ERBB3: variants seen among roughly 807,000 people sequenced by gnomAD.
ERBB3 encodes erb-b2 receptor tyrosine kinase 3, also known as receptor tyrosine-protein kinase erbB-3.
Under a neutral mutation model 156.7 loss-of-function variants are expected in ERBB3, and 96 were observed. The observed-to-expected ratio is 0.61, with a 90% CI of 0.52 to 0.73. ERBB3 has a LOEUF of 0.73. Among genes scored for constraint, ERBB3 ranks in the 30% least tolerant of loss-of-function variants. The pLI is 0.00. For missense variants in ERBB3, 1,406 were observed against 1,709.4 expected (o/e 0.82, Z 3.13); for synonymous variants, 567 against 632.0 (o/e 0.90, Z 1.54).
chr12:56,101,112 C>T lies in ERBB3; in HGVS notation c.3253C>T (p.His1085Tyr), dbSNP rs770418548. Residue 1085 changes from histidine to tyrosine, a missense_variant, in exon 27 of 28, where the codon CAC becomes TAC. Transcript: ENST00000267101. Reference protein sequence around the residue: ...SERCPRPVSLHPMPRGCLASE... With the variant: ...SERCPRPVSLYPMPRGCLASE... ...ACGGTGCCCCCGTCCAGTCTCTCTA[C>T]ACCCAATGCCACGGGGATGCCTGGC... 2 of 1,614,002 alleles carry T rather than the reference C, an allele frequency of 1.2e-6. No homozygotes were observed. Among genetic ancestry groups the T allele is most frequent in the African/African-American group, 1.3e-5 (1 of 74,912 alleles).
At chr12:56,089,459 G>A (rs1868595053) in intron 9 of ERBB3, among the ~76,000 whole-genome samples, 2 of 152,070 alleles carry the variant, frequency 1.3e-5, no homozygotes. Flanking sequence ...ATAAAAATCT[G>A]TCTCCAGGCT....
chr12:56,092,432 C>T (rs1282640289), intron 9 of ERBB3, among the ~76,000 whole-genome samples: 1 of 139,514 alleles, frequency 7.2e-6, no homozygotes. Flanking sequence ...GTCTTCCTTT[C>T]CTATTTACTC....
At chr12:56,098,947 T>C (rs778410519) in intron 23 of ERBB3, 42 bp downstream of exon 23, 2 of 1,544,578 alleles carry the variant, frequency 1.3e-6, no homozygotes, top group Admixed American at 1.9e-5. Flanking sequence ...CTTTTTTTCT[T>C]TTTTTTTCTT....
rs772484121 is a variant in ERBB3 at position 56,092,799 on chromosome 12, C to T, written c.1162C>T (p.Arg388Trp). The T allele has an allele frequency of 3.5e-5, 56 of 1,613,996 alleles. No individual in the cohort carries two copies. Among genetic ancestry groups the T allele is most frequent in the Middle Eastern group, 1.6e-4 (1 of 6,084 alleles). The change falls in exon 10 of 28, where the codon CGG becomes TGG. Residue 388 changes from arginine to tryptophan, a missense_variant. Arg to Trp is a moderately radical substitution (Grantham distance 101). This residue lies in a region of ERBB3 where 979 missense variants were observed against 1,219.6 expected (regional missense o/e 0.80). Coordinates refer to ENST00000267101, the MANE Select transcript of ERBB3 (RefSeq NM_001982.4). ...ALDPEKLNVF[R>W]TVREITGYLN... ...GGACCCAGAGAAGCTCAATGTCTTCCGGACAGTACGGGAGATCACAGGTGA... is the reference window on the plus strand; with the variant it reads ...GGACCCAGAGAAGCTCAATGTCTTCTGGACAGTACGGGAGATCACAGGTGA...
rs1338457274 is a variant in ERBB3 at position 56,086,634 on chromosome 12, G to C, written c.525G>C (p.Val175=). The part of the protein sequence containing the change: ...DIVRDRDAEI[V]VKDNGRSCPP... ...TGAGGGACCGAGATGCTGAGATAGT[G>C]GTGAAGGACAATGGCAGAAGCTGTA... The change falls in exon 4 of 28, where the codon GTG becomes GTC. Residue 175 remains valine, a synonymous_variant. Coordinates refer to ENST00000267101, the MANE Select transcript of ERBB3 (RefSeq NM_001982.4). 6 of 1,614,126 alleles carry C rather than the reference G, an allele frequency of 3.7e-6. No homozygotes were observed. The highest frequency in any genetic ancestry group is 5.1e-6 in the Non-Finnish European group (6 of 1,180,002).
intron 4 of ERBB3, 124 bp from the exon 5 acceptor site, chr12:56,087,453 G>A (rs1036348116): frequency 8.1e-6 from 7 of 869,030 alleles, no homozygotes; most frequent in Admixed American, 3.5e-5. Flanking sequence ...GGCAGGGAGG[G>A]ACACAGCCCT....
In ERBB3 at chr12:56,099,724, A is replaced by C; in HGVS notation, c.2916A>C (p.Pro972=). The change falls in exon 24 of 28, where the codon CCA becomes CCC. Residue 972 remains proline, a synonymous_variant. Transcript: ENST00000267101. ...AGTTCACCAGGATGGCCCGAGACCCACCACGGTATCTGGTCATAAAGGTGA... is the reference window on the plus strand; with the variant it reads ...AGTTCACCAGGATGGCCCGAGACCCCCCACGGTATCTGGTCATAAAGGTGA... ...ANEFTRMARD[P]PRYLVIKRES... 1 of 1,614,112 alleles carries C rather than the reference A, an allele frequency of 6.2e-7. No homozygotes were observed. Among genetic ancestry groups the C allele is most frequent in the Non-Finnish European group, 8.5e-7 (1 of 1,179,972 alleles).
rs201892971 is a variant in ERBB3 at position 56,097,796 on chromosome 12, C to T, written c.2472C>T (p.Tyr824=). ...CCCTATACCTACAGGGAATGTACTA[C>T]CTTGAGGAACATGGTATGGTGCATA... ...WGVQIAKGMY[Y]LEEHGMVHRN... The change falls in exon 21 of 28, where the codon TAC becomes TAT. Residue 824 remains tyrosine (Y), a synonymous_variant. Transcript: ENST00000267101. 1 of 1,613,918 alleles carries T rather than the reference C, an allele frequency of 6.2e-7. No homozygotes were observed. Among genetic ancestry groups the T allele is most frequent in the African/African-American group, 1.3e-5 (1 of 75,012 alleles).
In ERBB3 at chr12:56,096,579, A is replaced by G. The variant is rs1409213710; in HGVS notation, c.2132A>G (p.Lys711Arg). 1 of 1,614,090 alleles carries G rather than the reference A, an allele frequency of 6.2e-7. No homozygotes were observed. The highest frequency in any genetic ancestry group is 8.5e-7 in the Non-Finnish European group (1 of 1,180,032). Residue 711 changes from lysine to arginine, a missense_variant, in exon 18 of 28, where the codon AAG becomes AGG. Physicochemically the swap from Lys to Arg is conservative, Grantham distance 26 (BLOSUM62 2). Around this residue, in one of 3 missense-constraint regions of ERBB3, gnomAD observed 979 missense variants for 1,219.6 expected, o/e 0.80. Transcript: ENST00000267101. ...ATCTTCAAAGAGACAGAGCTAAGGA[A>G]GCTTAAAGTGCTTGGCTCGGGTGTC... ...ARIFKETELR[K>R]LKVLGSGVFG...
Position 56,080,177 on chromosome 12 carries a change from C to A in ERBB3, c.-124C>A. 1.3e-6 allele frequency: 1 copy of A among 780,562 alleles called. No individual in the cohort carries two copies. Among genetic ancestry groups the A allele is most frequent in the Non-Finnish European group, 2.2e-6 (1 of 457,194 alleles). 48.4% of individuals were successfully genotyped at this position (780,562 alleles called of 1,614,324 possible). A position where few individuals can be genotyped will look rare whatever the true frequency, so the allele number is the denominator to read the frequency against. On this transcript the variant is annotated 5_prime_UTR_variant, in exon 1 of 28. Transcript: ENST00000267101. The stretch of plus-strand genomic sequence containing the variant: ...TCCGGCTCCGATTGCAATTTGCAAC[C>A]TCCGCTGCCGTCGCCGCAGCAGCCA...
chr12:56,093,128 CAT>C, intron 11 of ERBB3, 52 bp downstream of exon 11: 1 of 1,378,632 alleles, frequency 7.3e-7, no homozygotes. Context: ...AAGCCTGTGT[CAT>C]AGGCATTCTT....
In ERBB3 at chr12:56,102,047, A is replaced by G. The variant is rs1381182333; in HGVS notation, c.4021A>G (p.Arg1341Gly). 2 of 1,608,596 alleles carry G rather than the reference A, an allele frequency of 1.2e-6. No homozygotes were observed. The highest frequency in any genetic ancestry group is 1.7e-5 in the Admixed American group (1 of 59,990). ...SRLFPKANAQ[R>G]T is the part of the protein sequence containing the mutation. ...GCTTTTCCCCAAGGCTAATGCCCAGAGAACGTAACTCCTGCTCCCTGTGGC... is the reference window on the plus strand; with the variant it reads ...GCTTTTCCCCAAGGCTAATGCCCAGGGAACGTAACTCCTGCTCCCTGTGGC... The change falls in exon 28 of 28, where the codon AGA becomes GGA. Residue 1341 changes from arginine (R) to glycine (G), a missense_variant. This residue lies in a region of ERBB3 where 415 missense variants were observed against 454.1 expected (regional missense o/e 0.91). Transcript: ENST00000267101.
rs764713576 is a variant in ERBB3 at position 56,093,031 on chromosome 12, G to T, written c.1229G>T (p.Ser410Ile). ...TGGCCGCCCCACATGCACAACTTCA[G>T]TGTTTTTTCCAATTTGACAACCATT... ...QSWPPHMHNF[S>I]VFSNLTTIGG... The change falls in exon 11 of 28, where the codon AGT becomes ATT. Residue 410 changes from serine (S) to isoleucine (I), a missense_variant. This residue lies in a region of ERBB3 where 979 missense variants were observed against 1,219.6 expected (regional missense o/e 0.80). Coordinates refer to ENST00000267101, the MANE Select transcript of ERBB3 (RefSeq NM_001982.4). The T allele has an allele frequency of 6.2e-6, 10 of 1,614,090 alleles. No individual in the cohort carries two copies. Among genetic ancestry groups the T allele is most frequent in the Non-Finnish European group, 7.6e-6 (9 of 1,180,042 alleles).
Position 56,081,564 on chromosome 12 carries a change from G to A in ERBB3, c.82+1182G>A, listed in dbSNP as rs76219216. On this transcript the variant is annotated intron_variant, in intron 1 of 27. Transcript: ENST00000267101. ...GGAGGGGGGTGGTCTGGGGACTGGCGTGGGAGGGAGCAGTGGAGTGACTGT... is the reference window on the plus strand; with the variant it reads ...GGAGGGGGGTGGTCTGGGGACTGGCATGGGAGGGAGCAGTGGAGTGACTGT... 1.3e-4 allele frequency among the ~76,000 whole-genome samples: 20 copies of A among 152,296 alleles called. No individual in the cohort carries two copies. The East Asian group carries it at 1.3e-3, about 10-fold the overall frequency.
chr12:56,087,856 G>A lies in ERBB3; in HGVS notation c.675G>A (p.Gln225=), dbSNP rs749372152. Residue 225 remains glutamine, a synonymous_variant, in exon 6 of 28, where the codon CAG becomes CAA. Coordinates refer to ENST00000267101, the MANE Select transcript of ERBB3 (RefSeq NM_001982.4). The part of the protein sequence containing the change: ...NGHCFGPNPN[Q]CCHDECAGGC... ...ACTGCTTTGGGCCCAACCCCAACCA[G>A]TGCTGCCATGATGAGTGTGCCGGGG... 6.2e-6 allele frequency: 10 copies of A among 1,614,176 alleles called. No homozygotes were observed. The highest frequency in any genetic ancestry group is 7.6e-6 in the Non-Finnish European group (9 of 1,180,028).
rs1342896214 is a variant in ERBB3 at position 56,087,799 on chromosome 12, C to A, written c.618C>A (p.Thr206=). The part of the protein sequence containing the change: ...GPGSEDCQTL[T]KTICAPQCNG... ...ATGCTTTCTCTCCTTCCATAGTGAC[C>A]AAGACCATCTGTGCTCCTCAGTGTA... The change falls in exon 6 of 28, where the codon ACC becomes ACA. Residue 206 remains threonine, a synonymous_variant. Coordinates refer to ENST00000267101, the MANE Select transcript of ERBB3 (RefSeq NM_001982.4). The A allele has an allele frequency of 3.7e-6, 6 of 1,613,594 alleles. No homozygotes were observed. Among genetic ancestry groups the A allele is most frequent in the Non-Finnish European group, 5.1e-6 (6 of 1,179,564 alleles).
chr12:56,080,433 A>T (rs777444727), intron 1 of ERBB3, 51 bp downstream of exon 1: 11 of 1,423,482 alleles, frequency 7.7e-6, no homozygotes, highest in Non-Finnish European at 1.1e-5. Flanking sequence ...GCCGGAACCC[A>T]GTGCGCGCAG....
chr12:56,091,299 T>TAA (rs374762207), intron 9 of ERBB3, among the ~76,000 whole-genome samples: 9 of 1,378 alleles, frequency 6.5e-3, no homozygotes, highest in Non-Finnish European at 9.2e-3. Flanking sequence ...TATATATAAA[T>TAA]AATATATATA....
rs1282149919 is a variant in ERBB3 at position 56,102,860 on chromosome 12, T to C, written c.*805T>C. 5.3e-6 allele frequency: 1 copy of C among 190,148 alleles called. No individual in the cohort carries two copies. The highest frequency in any genetic ancestry group is 6.8e-5 in the Admixed American group (1 of 14,770). The allele number at this position is 190,148 out of a possible 1,614,324, so 11.8% of individuals were successfully genotyped here. ...CTTTAGAACTGGGTGCAGTGGCTCA[T>C]GCCTGTAATCCCAGCCAGCACTTTG... On this transcript the variant is annotated 3_prime_UTR_variant, in exon 28 of 28. Transcript: ENST00000267101.
Sources: gnomAD v4.1 joint callset for allele counts (sites outside exome capture counted in the v4.1 genomes callset) on GRCh38, gnomAD v4.1.1 for gene constraint, gnomAD v4.1.1 regional missense constraint, MANE v1.5 for transcripts, NCBI Gene and HGNC (gene_info 2026-07-23, HGNC 2026-07-21) for gene names.